The following IPO11 variants were observed in gnomAD, a reference collection of about 807,000 sequenced individuals.
The protein encoded by IPO11 is importin 11.
IPO11 carries 66 observed loss-of-function variants against 143.2 expected under a neutral mutation model. That is an observed-to-expected ratio of 0.46 (90% CI 0.38 to 0.57). The LOEUF (loss-of-function observed/expected upper bound fraction) is 0.57, where lower values mean the gene tolerates loss of function less well. Among genes scored for constraint, IPO11 ranks in the 20% least tolerant of loss-of-function variants. IPO11 has a pLI of 0.00. For synonymous variants in IPO11, 385 were observed against 377.8 expected (o/e 1.02, Z -0.22); for missense variants, 1,026 against 1,141.0 (o/e 0.90, Z 1.45).
intron 11 of IPO11, among the ~76,000 whole-genome samples, chr5:62,484,823 G>A (rs1289037217): frequency 9.9e-5 from 15 of 150,964 alleles, no homozygotes; most frequent in Admixed American, 7.3e-4. Context: ...ACTTATCTTC[G>A]CCATGCTTTT....
chr5:62,609,585 T>C (rs1036360571), intron 29 of IPO11, among the ~76,000 whole-genome samples: 4 of 152,220 alleles, frequency 2.6e-5, no homozygotes, highest in African/African-American at 9.7e-5. Context: ...CTCAAGGAGC[T>C]CCTAGACCAG....
chr5:62,626,178 C>T (rs764148767), intron 29 of IPO11, among the ~76,000 whole-genome samples: 3 of 152,060 alleles, frequency 2.0e-5, no homozygotes, highest in Admixed American at 6.6e-5. Context: ...TACAGGCGTG[C>T]ACCACCACGC....
rs544621275 is a variant in IPO11 at position 62,609,544 on chromosome 5, C to T, written c.2763+7696C>T. Among the ~76,000 whole-genome samples the T allele has an allele frequency of 2.6e-5, 4 of 152,328 alleles. No individual in the cohort carries two copies. The East Asian group carries it at 7.7e-4, about 29-fold the overall frequency. ...TGAATGGATAAGTGACTGGATGGAC[C>T]AATGAATGAATGAGAGACACAGTCC... On this transcript the variant is annotated intron_variant, in intron 29 of 29. Transcript: ENST00000325324.
intron 24 of IPO11, among the ~76,000 whole-genome samples, chr5:62,542,274 A>G (rs1404815701): frequency 2.6e-5 from 4 of 152,094 alleles, no homozygotes; most frequent in African/African-American, 9.7e-5. Flanking sequence ...AATCTCAGAA[A>G]CTAGATTTTA....
chr5:62,495,432 A>G (rs1741099601), intron 16 of IPO11, among the ~76,000 whole-genome samples: 1 of 152,174 alleles, frequency 6.6e-6, no homozygotes, highest in South Asian at 2.1e-4. Flanking sequence ...AATTTCAATT[A>G]AGTTTTCTTT....
intron 23 of IPO11, 101 bp downstream of exon 23, chr5:62,536,882 GT>G: frequency 8.5e-7 from 1 of 1,181,086 alleles, no homozygotes; most frequent in Non-Finnish European, 1.1e-6. Context: ...AGATTGGTCT[GT>G]TATTTTAAGA....
At chr5:62,509,196 C>T (rs987786534) in intron 19 of IPO11, among the ~76,000 whole-genome samples, 7 of 151,992 alleles carry the variant, frequency 4.6e-5, no homozygotes, top group Admixed American at 2.0e-4. Flanking sequence ...AATCATCAGG[C>T]GTGGTATCAG....
intron 8 of IPO11, among the ~76,000 whole-genome samples, chr5:62,476,374 G>C (rs1383169365): frequency 6.6e-6 from 1 of 152,086 alleles, no homozygotes; most frequent in Non-Finnish European, 1.5e-5. Context: ...ACACATGTAT[G>C]TTGCTTGAAA....
chr5:62,470,828 T>C (rs1580216658), intron 7 of IPO11, among the ~76,000 whole-genome samples: 1 of 113,450 alleles, frequency 8.8e-6, no homozygotes, highest in Non-Finnish European at 1.8e-5. Flanking sequence ...TTTTTTTTTT[T>C]TTTTTTTTTT....
chr5:62,445,546 A>G (rs188395245), intron 3 of IPO11, among the ~76,000 whole-genome samples: 80 of 152,246 alleles, frequency 5.3e-4, no homozygotes, highest in Middle Eastern at 3.4e-3. Flanking sequence ...TATTCAGTAG[A>G]AACTGTACTT....
chr5:62,541,285 C>T (rs939064141), intron 24 of IPO11, among the ~76,000 whole-genome samples: 6 of 151,710 alleles, frequency 4.0e-5, no homozygotes, highest in Admixed American at 1.3e-4. Context: ...GCAGGGTGAT[C>T]GCTTGAACCC....
At chr5:62,423,244 C>G (rs1275155363) in intron 1 of IPO11, among the ~76,000 whole-genome samples, 1 of 152,178 alleles carries the variant, frequency 6.6e-6, no homozygotes, top group Non-Finnish European at 1.5e-5. Flanking sequence ...TCTTGGACCT[C>G]TGTCTCTTAC....
chr5:62,553,448 A>G (rs546190737), intron 26 of IPO11, among the ~76,000 whole-genome samples: 2 of 152,206 alleles, frequency 1.3e-5, no homozygotes, highest in Admixed American at 1.3e-4. Context: ...TGTAATAAAC[A>G]TGAGGGAGCA....
chr5:62,549,883 A>G (rs892450505), intron 24 of IPO11, among the ~76,000 whole-genome samples: 10 of 152,252 alleles, frequency 6.6e-5, no homozygotes, highest in African/African-American at 2.2e-4. Flanking sequence ...ATAAATATGC[A>G]GTATATATGC....
At chr5:62,577,699 C>T (rs1290031816) in intron 27 of IPO11, among the ~76,000 whole-genome samples, 3 of 152,040 alleles carry the variant, frequency 2.0e-5, no homozygotes, top group Non-Finnish European at 4.4e-5. Context: ...TAACGATCTG[C>T]TATCCAGTAT....
chr5:62,484,174 T>C lies in IPO11; in HGVS notation c.1174+12T>C. On this transcript the variant is annotated intron_variant, in intron 11 of 29. Transcript: ENST00000325324. ...CCCAGAAGGCTTTAGTAAGAATTAATTTTTTAGTGTTAGAATGACTTTTCT... is the reference window on the plus strand; with the variant it reads ...CCCAGAAGGCTTTAGTAAGAATTAACTTTTTAGTGTTAGAATGACTTTTCT... 1 of 1,580,116 alleles carries C rather than the reference T, an allele frequency of 6.3e-7. No homozygotes were observed. Among genetic ancestry groups the C allele is most frequent in the Non-Finnish European group, 8.6e-7 (1 of 1,168,984 alleles).
At chr5:62,551,425 T>C in intron 26 of IPO11, 89 bp downstream of exon 26, 1 of 725,780 alleles carries the variant, frequency 1.4e-6, no homozygotes, top group Middle Eastern at 4.0e-4. Context: ...TTTGTAAAAG[T>C]CGCTTTGTAG....
chr5:62,419,488 G>T (rs925121985), intron 1 of IPO11, among the ~76,000 whole-genome samples: 1 of 152,070 alleles, frequency 6.6e-6, no homozygotes, highest in South Asian at 2.1e-4. Context: ...CATTAACTCA[G>T]GTACACACAA....
rs879392742 is a variant in IPO11, at chr5:62,536,438, CATTCATTT to C, written c.2090-256_2090-249del. Among the ~76,000 whole-genome samples, 410 of 119,506 alleles carry C rather than the reference CATTCATTT, an allele frequency of 3.4e-3. 1 individual carries two copies. Among genetic ancestry groups the C allele is most frequent in the African/African-American group, 6.8e-3 (162 of 23,864 alleles). The allele number at this position is 119,506 out of a possible 152,430, so 78.4% of individuals were successfully genotyped here. A position where few individuals can be genotyped will look rare whatever the true frequency, so the allele number is the denominator to read the frequency against. ...GTATTCATTCATTCATTCATTCATT[CATTCATTT>C]ATTCATTCATTGAGACAGGGTCTCA... On this transcript the variant is annotated intron_variant, in intron 22 of 29. Coordinates refer to ENST00000325324, the MANE Select transcript of IPO11 (RefSeq NM_016338.5).
Sources: gnomAD v4.1 joint callset for allele counts (sites outside exome capture counted in the v4.1 genomes callset) on GRCh38, gnomAD v4.1.1 for gene constraint, MANE v1.5 for transcripts, NCBI Gene and HGNC (gene_info 2026-07-23, HGNC 2026-07-21) for gene names.